SH3BGR: variants seen among roughly 807,000 people sequenced by gnomAD.
SH3BGR encodes SH3 domain-binding glutamic acid-rich protein.
In SH3BGR, 29 loss-of-function variants were observed where a neutral mutation model predicts 24.5. That is an observed-to-expected ratio of 1.18 (90% confidence interval 0.88 to 1.61). The LOEUF (loss-of-function observed/expected upper bound fraction) is 1.61. Among genes scored for constraint, SH3BGR ranks in the 40% most tolerant of loss-of-function variants. The probability of loss-of-function intolerance (pLI) is 0.00; values close to 1 mark genes in which losing one functional copy is unlikely to be tolerated. For synonymous variants in SH3BGR, 55 were observed against 65.7 expected (o/e 0.84, Z 0.79); for missense variants, 162 against 205.8 (o/e 0.79, Z 1.30).
At chr21:39,510,211 G>C (rs984171557) in intron 5 of SH3BGR, among the ~76,000 whole-genome samples, 1 of 127,548 alleles carries the variant, frequency 7.8e-6, no homozygotes, top group Non-Finnish European at 1.6e-5. Context: ...CAAAGTGCTG[G>C]GATTACAGGC....
Position 39,492,863 on chromosome 21 carries a change from C to A in SH3BGR, c.313-6960C>A, listed in dbSNP as rs150753683. Among the ~76,000 whole-genome samples, 458 of 152,266 alleles carry A rather than the reference C, an allele frequency of 3.0e-3. 3 individuals carry two copies. The highest frequency in any genetic ancestry group is 0.011 in the African/African-American group (439 of 41,544). ...CATTGTAGTTTTGGTTTGCATTTCC[C>A]TGATCATTAGTGATGTTGAGCATTT... is the stretch of plus-strand genomic sequence containing the variant. On this transcript the variant is annotated intron_variant, in intron 3 of 6. Coordinates refer to ENST00000333634, the MANE Select transcript of SH3BGR (RefSeq NM_007341.3).
intron 3 of SH3BGR, among the ~76,000 whole-genome samples, chr21:39,482,516 C>T (rs868758707): frequency 7.2e-5 from 11 of 152,242 alleles, no homozygotes; most frequent in Middle Eastern, 3.4e-3. Context: ...ACTGGAGTTA[C>T]GTAAGAGAAT....
At chr21:39,507,448 C>G (rs767082783) in intron 4 of SH3BGR, among the ~76,000 whole-genome samples, 1 of 152,132 alleles carries the variant, frequency 6.6e-6, no homozygotes, top group Non-Finnish European at 1.5e-5. Context: ...ATTCTCCTGC[C>G]TCAGCCTCCC....
intron 4 of SH3BGR, among the ~76,000 whole-genome samples, chr21:39,503,009 C>T (rs1443515229): frequency 4.0e-5 from 6 of 151,656 alleles, no homozygotes; most frequent in African/African-American, 7.3e-5. Context: ...CCTCAGGGAC[C>T]GCCTAGCTTT....
Position 39,514,225 on chromosome 21 carries a change from C to G in SH3BGR, c.*35-863C>G, listed in dbSNP as rs1382998323. Among the ~76,000 whole-genome samples the G allele has an allele frequency of 2.6e-5, 4 of 152,234 alleles. No homozygotes were observed. In the East Asian group the frequency reaches 7.7e-4, roughly 29 times the overall value. On this transcript the variant is annotated intron_variant, in intron 6 of 6. Transcript: ENST00000333634. Reference sequence around the variant, plus strand: ...ACTATTTGGCTTCCAAAAACAAACCCATCTCATAACTCATAGATTATCCAT... The same window carrying G: ...ACTATTTGGCTTCCAAAAACAAACCGATCTCATAACTCATAGATTATCCAT...
intron 3 of SH3BGR, among the ~76,000 whole-genome samples, chr21:39,492,325 T>TA (rs1284107079): frequency 1.3e-5 from 2 of 152,146 alleles, no homozygotes; most frequent in Non-Finnish European, 2.9e-5. Context: ...AGTGAGAACA[T>TA]ACGATGTTTG....
chr21:39,457,244 C>CTTATATGA (rs1555910168), intron 1 of SH3BGR, among the ~76,000 whole-genome samples: 26,283 of 140,510 alleles, frequency 0.19, 2,648 homozygotes, highest in Middle Eastern at 0.23. Context: ...ATATAAAAAT[C>CTTATATGA]TTATTATATT....
In SH3BGR at chr21:39,511,166, G is replaced by A. The variant is rs1016698166; in HGVS notation, c.436-514G>A. ...TTGTATGTGTGGTGTATGTGTATTT[G>A]TGTGTGGTGTATATGGTGTGTGGTG... On this transcript the variant is annotated intron_variant, in intron 5 of 6. Coordinates refer to ENST00000333634, the MANE Select transcript of SH3BGR (RefSeq NM_007341.3). The surrounding 1 kb of genome is among the most constrained non-coding windows in gnomAD (Gnocchi z 4.2). Among the ~76,000 whole-genome samples the A allele has an allele frequency of 2.0e-5, 3 of 150,784 alleles. No individual in the cohort carries two copies. The highest frequency in any genetic ancestry group is 4.9e-5 in the African/African-American group (2 of 41,004).
chr21:39,513,988 AAAAG>A (rs1424389965), intron 6 of SH3BGR, among the ~76,000 whole-genome samples: 1 of 152,180 alleles, frequency 6.6e-6, no homozygotes, highest in Non-Finnish European at 1.5e-5. Context: ...AAGAAAGAAA[AAAAG>A]GCAAGTTACA....
At chr21:39,475,089 TCAC>T (rs2078005767) in intron 2 of SH3BGR, 43 bp from the exon 3 acceptor site, 1 of 1,205,180 alleles carries the variant, frequency 8.3e-7, no homozygotes, top group Non-Finnish European at 1.2e-6. Context: ...ATAAACTGGC[TCAC>T]AAGTGTGCAG....
chr21:39,514,890 G>C (rs1482624354), intron 6 of SH3BGR, among the ~76,000 whole-genome samples, 198 bp from the exon 7 acceptor site: 1 of 152,190 alleles, frequency 6.6e-6, no homozygotes, highest in Non-Finnish European at 1.5e-5. Flanking sequence ...ATGTGTTTAT[G>C]CAGAGAAAGG....
intron 6 of SH3BGR, among the ~76,000 whole-genome samples, chr21:39,512,015 T>C (rs1233504462): frequency 6.6e-6 from 1 of 152,182 alleles, no homozygotes; most frequent in African/African-American, 2.4e-5. Context: ...GTCTGTTTCT[T>C]GCACACTAGG....
intron 2 of SH3BGR, among the ~76,000 whole-genome samples, chr21:39,465,658 A>G (rs1405416515): frequency 6.6e-6 from 1 of 152,114 alleles, no homozygotes; most frequent in Non-Finnish European, 1.5e-5. Context: ...TGGCGCAATC[A>G]TAGCTCACTG....
chr21:39,477,240 T>C (rs934179084), intron 3 of SH3BGR, among the ~76,000 whole-genome samples: 1 of 152,204 alleles, frequency 6.6e-6, no homozygotes, highest in African/African-American at 2.4e-5. Context: ...CATAATGTCA[T>C]CTAAATATTT....
chr21:39,452,703 C>G (rs2077593137), intron 1 of SH3BGR, among the ~76,000 whole-genome samples: 1 of 152,188 alleles, frequency 6.6e-6, no homozygotes, highest in African/African-American at 2.4e-5. Flanking sequence ...TATAAACACT[C>G]CAGGCATTCA....
upstream of SH3BGR, among the ~76,000 whole-genome samples, chr21:39,450,360 C>T (rs944251874): frequency 2.0e-5 from 3 of 152,158 alleles, no homozygotes; most frequent in South Asian, 6.2e-4. Flanking sequence ...TTGGTAGTCA[C>T]CTCAATCATT....
chr21:39,487,114 A>C (rs983657985), intron 3 of SH3BGR, among the ~76,000 whole-genome samples: 1 of 152,006 alleles, frequency 6.6e-6, no homozygotes, highest in African/African-American at 2.4e-5. Context: ...CCCTTAATTG[A>C]CAGAGATATA....
rs567770404 is a variant in SH3BGR at position 39,468,559 on chromosome 21, C to T, written c.231+5999C>T. Among the ~76,000 whole-genome samples, 10 of 152,144 alleles carry T rather than the reference C, an allele frequency of 6.6e-5. No homozygotes were observed. In the East Asian group the frequency reaches 1.9e-3, roughly 29 times the overall value. On this transcript the variant is annotated intron_variant, in intron 2 of 6. Coordinates refer to ENST00000333634, the MANE Select transcript of SH3BGR (RefSeq NM_007341.3). ...ACTCGATCGATCCTCTTGCCTCAGC[C>T]TCCTGAATAGCTGGGACTATAGGTG...
intron 2 of SH3BGR, among the ~76,000 whole-genome samples, chr21:39,468,679 T>C (rs1369372212): frequency 6.6e-6 from 1 of 152,210 alleles, no homozygotes; most frequent in African/African-American, 2.4e-5. Flanking sequence ...GCTCAAGCAA[T>C]CCTCCTGCCT....
Sources: gnomAD v4.1 joint callset for allele counts (sites outside exome capture counted in the v4.1 genomes callset) on GRCh38, gnomAD v4.1.1 for gene constraint, Gnocchi (gnomAD v3.1) non-coding constraint, MANE v1.5 for transcripts, NCBI Gene and HGNC (gene_info 2026-07-23, HGNC 2026-07-21) for gene names.